Variants in TENM2 observed in about 807,000 individuals in gnomAD.
TENM2 encodes the protein teneurin transmembrane protein 2.
In TENM2, 52 loss-of-function variants were observed where a neutral mutation model predicts 245.2. That is an observed-to-expected ratio of 0.21 (90% CI 0.17 to 0.27). TENM2 has a LOEUF of 0.27. TENM2 is among the 10% of genes least tolerant of loss of function. TENM2 has a pLI of 1.00. For missense variants in TENM2, 3,046 were observed against 3,666.8 expected, an observed-to-expected ratio of 0.83 and a Z score of 4.37; for synonymous variants, 1,363 against 1,438.9, an observed-to-expected ratio of 0.95 and a Z score of 1.19.
At chr5:167,339,809 T>A (rs35472878) in intron 1 of TENM2, among the ~76,000 whole-genome samples, 65,905 of 151,884 alleles carry the variant, frequency 0.43, 15,382 homozygotes, top group Non-Finnish European at 0.53. Flanking sequence ...TTCTTTTTTA[T>A]CCCTCTCACT....
intron 14 of TENM2, among the ~76,000 whole-genome samples, chr5:168,191,490 C>T (rs1438147739): frequency 6.6e-6 from 1 of 151,970 alleles, no homozygotes; most frequent in Non-Finnish European, 1.5e-5. Context: ...ATTGGGGATG[C>T]CCCGCCCCAT....
At chr5:167,164,015 G>A in the TENM2 span, among the ~76,000 whole-genome samples, 3 of 152,132 alleles carry the variant, frequency 2.0e-5, no homozygotes, top group African/African-American at 7.2e-5. Flanking sequence ...CTCCACTTTA[G>A]TGCGTGAGTG....
chr5:168,155,985 T>C (rs1452984229), intron 12 of TENM2, among the ~76,000 whole-genome samples: 3 of 151,628 alleles, frequency 2.0e-5, no homozygotes, highest in Non-Finnish European at 2.9e-5. Context: ...TTCTTGAATG[T>C]CTGTTACGTG....
At chr5:167,747,655 A>G (rs1052004404) in intron 2 of TENM2, among the ~76,000 whole-genome samples, 9 of 152,186 alleles carry the variant, frequency 5.9e-5, no homozygotes, top group Non-Finnish European at 1.2e-4. Context: ...GAAGAAAATG[A>G]CATCCCTTTC....
At chr5:167,294,658 A>G (rs924832680) in intron 1 of TENM2, among the ~76,000 whole-genome samples, 1 of 152,096 alleles carries the variant, frequency 6.6e-6, no homozygotes, top group Admixed American at 6.5e-5. Flanking sequence ...TAATGTACAT[A>G]GGACATATTC....
At chr5:167,446,372 A>T (rs999498598) in intron 2 of TENM2, among the ~76,000 whole-genome samples, 1 of 152,158 alleles carries the variant, frequency 6.6e-6, no homozygotes, top group African/African-American at 2.4e-5. Context: ...ATCTACACAT[A>T]CAAATAGTGG....
At chr5:167,284,072 T>C (rs1003335209), upstream of TENM2, among the ~76,000 whole-genome samples, 1 of 152,088 alleles carries the variant, frequency 6.6e-6, no homozygotes, top group Non-Finnish European at 1.5e-5. Context: ...GCAGTTATCA[T>C]GTTGGTGGGT....
intron 1 of TENM2, among the ~76,000 whole-genome samples, chr5:167,343,221 A>G (rs1758233712): frequency 6.6e-6 from 1 of 152,076 alleles, no homozygotes; most frequent in Non-Finnish European, 1.5e-5. Context: ...GCTTTCTGGA[A>G]TTACAGGGTA....
At chr5:166,982,532 A>T in the TENM2 span, among the ~76,000 whole-genome samples, 5 of 152,062 alleles carry the variant, frequency 3.3e-5, no homozygotes, top group Non-Finnish European at 5.9e-5. Flanking sequence ...CCACTTGAGA[A>T]CTAAAACTTA....
intron 2 of TENM2, among the ~76,000 whole-genome samples, chr5:167,503,800 G>C (rs2127560110): frequency 6.6e-6 from 1 of 152,218 alleles, no homozygotes; most frequent in Middle Eastern, 3.4e-3. Context: ...AGGCTGAAGT[G>C]GGAGGATCAC....
At chr5:167,492,181 A>T (rs1768472287) in intron 2 of TENM2, among the ~76,000 whole-genome samples, 1 of 152,138 alleles carries the variant, frequency 6.6e-6, no homozygotes, top group African/African-American at 2.4e-5. Context: ...TACTTAGTAA[A>T]TGTCTGTTTT....
the TENM2 span, among the ~76,000 whole-genome samples, chr5:167,158,225 G>A: frequency 1.3e-5 from 2 of 152,154 alleles, no homozygotes; most frequent in Admixed American, 6.5e-5. Context: ...TAAAACAAAT[G>A]TGCAACTTAT....
intron 2 of TENM2, among the ~76,000 whole-genome samples, chr5:167,526,700 A>G (rs2127588693): frequency 6.6e-6 from 1 of 152,150 alleles, no homozygotes; most frequent in African/African-American, 2.4e-5. Context: ...AGGAAGTTAG[A>G]TTTCCTTCTT....
At chr5:167,445,369 A>T (rs73801225) in intron 2 of TENM2, among the ~76,000 whole-genome samples, 1,516 of 98,354 alleles carry the variant, frequency 0.015, 43 homozygotes, top group Admixed American at 0.018. Context: ...AGAGAGAGAG[A>T]GTGTCAGGTG....
intron 25 of TENM2, among the ~76,000 whole-genome samples, chr5:168,235,085 C>T (rs140326743): frequency 7.9e-5 from 12 of 152,296 alleles, no homozygotes; most frequent in Middle Eastern, 6.8e-3. Flanking sequence ...CTCAGTTCTG[C>T]GTGGAGCCCA....
chr5:167,830,976 A>G (rs1768421967), intron 2 of TENM2, among the ~76,000 whole-genome samples: 1 of 152,146 alleles, frequency 6.6e-6, no homozygotes, highest in Non-Finnish European at 1.5e-5. Flanking sequence ...TTTATCTCCT[A>G]AATTTTGAAA....
chr5:167,502,025 G>T (rs78249755), intron 2 of TENM2, among the ~76,000 whole-genome samples: 1 of 151,716 alleles, frequency 6.6e-6, no homozygotes, highest in Non-Finnish European at 1.5e-5. Flanking sequence ...AAAAAAAAAG[G>T]TACTAGGTCA....
chr5:167,432,229 AT>A (rs1428604606), intron 2 of TENM2, among the ~76,000 whole-genome samples: 1 of 151,702 alleles, frequency 6.6e-6, no homozygotes, highest in African/African-American at 2.4e-5. Context: ...GTGAACTCGT[AT>A]TTAAATCTGA....
At chr5:167,243,537 C>T in the TENM2 span, among the ~76,000 whole-genome samples, 1 of 152,058 alleles carries the variant, frequency 6.6e-6, no homozygotes, top group South Asian at 2.1e-4. Context: ...TGGTGGGCTG[C>T]GTGGTTGTAT....
Sources: gnomAD v4.1 joint callset for allele counts (sites outside exome capture counted in the v4.1 genomes callset) on GRCh38, gnomAD v4.1.1 for gene constraint, MANE v1.5 for transcripts, NCBI Gene and HGNC (gene_info 2026-07-23, HGNC 2026-07-21) for gene names.